FNBP1: variants seen among roughly 807,000 people sequenced by gnomAD.
FNBP1 encodes formin-binding protein 1.
A neutral mutation model predicts 90.6 loss-of-function variants in FNBP1; 26 were observed. That is an observed-to-expected ratio of 0.29 (90% confidence interval 0.21 to 0.40). The LOEUF is 0.40. FNBP1 is among the 10% of genes least tolerant of loss of function. The probability of loss-of-function intolerance (pLI) is 1.00; values close to 1 mark genes in which losing one functional copy is unlikely to be tolerated. For synonymous variants in FNBP1, 260 were observed against 265.2 expected (o/e 0.98, Z 0.19); for missense variants, 635 against 768.0 (o/e 0.83, Z 2.05).
chr9:129,894,847 G>C (rs1314369918), intron 16 of FNBP1, among the ~76,000 whole-genome samples: 1 of 152,204 alleles, frequency 6.6e-6, no homozygotes, highest in African/African-American at 2.4e-5. Context: ...ATCACTTGAG[G>C]TCAGGAGTTT....
At position 129,900,031 on chromosome 9, in the gene FNBP1, C is replaced by T. The variant is rs370514877; in HGVS notation, c.1621G>A (p.Asp541Asn). 2.0e-5 allele frequency: 32 copies of T among 1,613,458 alleles called. No homozygotes were observed. Among genetic ancestry groups the T allele is most frequent in the Non-Finnish European group, 2.6e-5 (31 of 1,179,744 alleles). The change falls in exon 15 of 17, where the codon GAC becomes AAC. Residue 541 changes from aspartate to asparagine, a missense_variant. Transcript: ENST00000446176. This position sits in a 1 kb window ranked among gnomAD's most constrained non-coding sequence, Gnocchi z 4.1. ...AGGGGCTCCTCATCATCAAACTCGT[C>T]GTCAAAATCCGTGGCCAGCACCTTC... ...EMKVLATDFD[D>N]EFDDEEPLPA... is the part of the protein sequence containing the mutation.
chr9:129,938,664 A>G (rs2043868245), intron 6 of FNBP1, among the ~76,000 whole-genome samples: 1 of 152,040 alleles, frequency 6.6e-6, no homozygotes, highest in Non-Finnish European at 1.5e-5. Context: ...TCAATCCCAC[A>G]TGGCCCATTC....
At chr9:129,913,019 C>A (rs1034869526) in intron 11 of FNBP1, among the ~76,000 whole-genome samples, 1 of 151,830 alleles carries the variant, frequency 6.6e-6, no homozygotes, top group Non-Finnish European at 1.5e-5. Context: ...CAGTTCAAGA[C>A]CAGCCTGGCC....
At chr9:129,914,755 G>GTA (rs71499203) in intron 11 of FNBP1, among the ~76,000 whole-genome samples, 16 of 98,434 alleles carry the variant, frequency 1.6e-4, no homozygotes, top group Non-Finnish European at 3.1e-4. Flanking sequence ...ACATACATAT[G>GTA]TCTATATATA....
intron 6 of FNBP1, among the ~76,000 whole-genome samples, chr9:129,937,036 G>A (rs1251343138): frequency 6.6e-6 from 1 of 152,050 alleles, no homozygotes; most frequent in African/African-American, 2.4e-5. Context: ...TAGGCATGGT[G>A]GCACATGCCT....
At chr9:130,043,246 G>T, upstream of FNBP1, 1 of 298,652 alleles carries the variant, frequency 3.3e-6, no homozygotes, top group Non-Finnish European at 6.2e-6. Context: ...GGCGGGAGGG[G>T]AGGGGCGGGG....
At chr9:130,053,845 G>C in the FNBP1 span, 1 of 1,304,332 alleles carries the variant, frequency 7.7e-7, no homozygotes, top group African/African-American at 1.5e-5. Context: ...TAGCCGCCGA[G>C]CCCCGCTCCC....
chr9:129,946,708 C>A (rs1200916014), intron 6 of FNBP1, among the ~76,000 whole-genome samples: 3 of 152,214 alleles, frequency 2.0e-5, no homozygotes, highest in African/African-American at 7.2e-5. Flanking sequence ...CTAACAATTT[C>A]TGCAGCTGTT....
chr9:129,894,574 G>C (rs2035447057), intron 16 of FNBP1, among the ~76,000 whole-genome samples: 1 of 152,226 alleles, frequency 6.6e-6, no homozygotes, highest in African/African-American at 2.4e-5. Context: ...TGTGTCTGTG[G>C]GGAGAAGCAT....
chr9:129,998,512 C>T (rs1160258785), intron 1 of FNBP1, among the ~76,000 whole-genome samples: 1 of 150,472 alleles, frequency 6.6e-6, no homozygotes, highest in Non-Finnish European at 1.5e-5. Context: ...AAAACTCCAC[C>T]TCAAAAAAAA....
At chr9:130,049,515 A>C in the FNBP1 span, among the ~76,000 whole-genome samples, 3 of 152,102 alleles carry the variant, frequency 2.0e-5, no homozygotes, top group Non-Finnish European at 4.4e-5. Context: ...GGAGATTTAG[A>C]CCAGCCTGGG....
intron 2 of FNBP1, among the ~76,000 whole-genome samples, chr9:129,993,458 T>C (rs2053519376): frequency 7.1e-6 from 1 of 139,868 alleles, no homozygotes; most frequent in Non-Finnish European, 1.5e-5. Flanking sequence ...CATTAAAAGA[T>C]GTAAGGAGAT....
At position 130,037,425 on chromosome 9, in the gene FNBP1, T is replaced by C. The variant is rs184326986; in HGVS notation, c.24+5527A>G. 9.2e-5 allele frequency among the ~76,000 whole-genome samples: 14 copies of C among 152,248 alleles called. No homozygotes were observed. The East Asian group carries it at 9.6e-4, about 10-fold the overall frequency. On this transcript the variant is annotated intron_variant, in intron 1 of 16. Coordinates refer to ENST00000446176, the MANE Select transcript of FNBP1 (RefSeq NM_015033.3). ...GTTAATAGGGTTCTCCAATTTAGCA[T>C]TCAAGGGCAGTAAGAAGAGGTAATA...
intron 1 of FNBP1, among the ~76,000 whole-genome samples, chr9:130,002,995 T>C (rs1324319760): frequency 6.6e-5 from 10 of 152,218 alleles, no homozygotes; most frequent in Non-Finnish European, 1.2e-4. Context: ...GAAAGTGTTA[T>C]TGTGTTAATC....
chr9:130,014,948 A>G (rs2057068549), intron 1 of FNBP1, among the ~76,000 whole-genome samples: 1 of 151,898 alleles, frequency 6.6e-6, no homozygotes, highest in Non-Finnish European at 1.5e-5. Flanking sequence ...TGCAAAAAAG[A>G]CTTCACCCTT....
At chr9:130,025,621 G>A (rs1239270805) in intron 1 of FNBP1, among the ~76,000 whole-genome samples, 1 of 152,116 alleles carries the variant, frequency 6.6e-6, no homozygotes, top group Non-Finnish European at 1.5e-5. Context: ...TCTCGACATG[G>A]AATTCAAGAT....
In FNBP1 at chr9:129,889,756, C is replaced by T. The variant is rs2034951518; in HGVS notation, c.*783G>A. On this transcript the variant is annotated 3_prime_UTR_variant, in exon 17 of 17. Transcript: ENST00000446176. ...AAGTGATGGGGAGGACAGGCGTGGG[C>T]TCCTCATGGCCGGTGGACACAGGCG... 3 of 232,368 alleles carry T rather than the reference C, an allele frequency of 1.3e-5. No individual in the cohort carries two copies. The highest frequency in any genetic ancestry group is 1.7e-5 in the Non-Finnish European group (2 of 117,486). The allele number at this position is 232,368 out of a possible 1,614,324, so 14.4% of individuals were successfully genotyped here. A position where few individuals can be genotyped will look rare whatever the true frequency, so the allele number is the denominator to read the frequency against.
At chr9:130,043,286 GC>G, upstream of FNBP1, 1 of 222,942 alleles carries the variant, frequency 4.5e-6, no homozygotes, top group Non-Finnish European at 8.7e-6. Flanking sequence ...ACGCGCGCCC[GC>G]CCCACCCCGG....
intron 11 of FNBP1, among the ~76,000 whole-genome samples, chr9:129,912,085 G>A (rs2131605461): frequency 6.6e-6 from 1 of 152,278 alleles, no homozygotes; most frequent in African/African-American, 2.4e-5. Flanking sequence ...GCCTGGACTT[G>A]CGACTGGTGG....
Sources: allele counts gnomAD v4.1 joint callset (sites outside exome capture counted in the v4.1 genomes callset), GRCh38; gene constraint gnomAD v4.1.1; non-coding constraint Gnocchi (gnomAD v3.1); transcripts MANE v1.5; gene names NCBI Gene and HGNC (gene_info 2026-07-23, HGNC 2026-07-21).